Variants in FNDC3B observed in about 807,000 individuals in gnomAD.
FNDC3B encodes fibronectin type III domain-containing protein 3B.
In FNDC3B, 12 loss-of-function variants were observed where a neutral mutation model predicts 151.5. That is an observed-to-expected ratio of 0.08 (90% CI 0.05 to 0.13). The LOEUF (loss-of-function observed/expected upper bound fraction) is 0.13. Among genes scored for constraint, FNDC3B ranks in the 10% least tolerant of loss-of-function variants. The pLI is 1.00. For missense variants in FNDC3B, 1,214 were observed against 1,505.3 expected, an observed-to-expected ratio of 0.81 and a Z score of 3.20; for synonymous variants, 528 against 549.0, an observed-to-expected ratio of 0.96 and a Z score of 0.54.
At chr3:172,138,284 A>G (rs1392352426) in intron 3 of FNDC3B, among the ~76,000 whole-genome samples, 1 of 152,244 alleles carries the variant, frequency 6.6e-6, no homozygotes, top group African/African-American at 2.4e-5. Flanking sequence ...GACAGGAAAC[A>G]GTGTATCTTC....
chr3:172,200,950 A>T (rs1725117324), intron 3 of FNDC3B, among the ~76,000 whole-genome samples: 1 of 152,180 alleles, frequency 6.6e-6, no homozygotes, highest in Non-Finnish European at 1.5e-5. Context: ...AATTTTTAAC[A>T]AAAGAGCTAT....
chr3:172,164,960 C>T (rs889657673), intron 3 of FNDC3B, among the ~76,000 whole-genome samples: 1 of 152,166 alleles, frequency 6.6e-6, no homozygotes, highest in African/African-American at 2.4e-5. Context: ...AACACGTGCT[C>T]ACCTTACTCT....
intron 1 of FNDC3B, among the ~76,000 whole-genome samples, chr3:172,061,442 C>T (rs966325827): frequency 1.2e-4 from 18 of 152,152 alleles, no homozygotes; most frequent in East Asian, 7.7e-4. Context: ...CCGTGTTAGC[C>T]AGGATGGTCT....
chr3:172,362,383 T>TTA (rs1553796371), intron 22 of FNDC3B, among the ~76,000 whole-genome samples: 16 of 152,016 alleles, frequency 1.1e-4, no homozygotes, highest in African/African-American at 1.2e-4. Flanking sequence ...CTATTTTTTT[T>TTA]AAATTAAAGA....
intron 3 of FNDC3B, among the ~76,000 whole-genome samples, chr3:172,196,741 A>T (rs1481563183): frequency 6.6e-6 from 1 of 152,176 alleles, no homozygotes; most frequent in Non-Finnish European, 1.5e-5. Flanking sequence ...TAATGTTAGG[A>T]TGAGCCACAC....
At chr3:172,346,250 A>T in intron 19 of FNDC3B, 77 bp from the exon 20 acceptor site, 1 of 746,570 alleles carries the variant, frequency 1.3e-6, no homozygotes, top group Non-Finnish European at 2.2e-6. Flanking sequence ...TTTGGTTATA[A>T]GCTTTTGTAT....
chr3:172,045,827 A>G (rs1407227795), intron 1 of FNDC3B, among the ~76,000 whole-genome samples: 4 of 151,814 alleles, frequency 2.6e-5, no homozygotes, highest in African/African-American at 9.7e-5. Flanking sequence ...CTTAAAATAT[A>G]TATTATGGTT....
At chr3:172,355,022 G>T (rs1734026440) in intron 22 of FNDC3B, among the ~76,000 whole-genome samples, 1 of 151,754 alleles carries the variant, frequency 6.6e-6, no homozygotes, top group Non-Finnish European at 1.5e-5. Flanking sequence ...TTCTCCATGG[G>T]TGCTATTATA....
chr3:172,083,895 T>A (rs7617070), intron 1 of FNDC3B, among the ~76,000 whole-genome samples: 97,582 of 152,004 alleles, frequency 0.64, 31,471 homozygotes, highest in East Asian at 0.78. Flanking sequence ...AGGCATAGGT[T>A]TAGCTCTGTT....
intron 9 of FNDC3B, chr3:172,303,026 A>C (rs1169166512): frequency 6.6e-6 from 1 of 151,866 alleles, no homozygotes; most frequent in Non-Finnish European, 1.5e-5. Context: ...ATATATATAT[A>C]AATATGTAAT....
intron 22 of FNDC3B, among the ~76,000 whole-genome samples, chr3:172,359,374 G>A (rs1158189635): frequency 6.6e-6 from 1 of 152,086 alleles, no homozygotes; most frequent in Non-Finnish European, 1.5e-5. Context: ...AGAGCAAAGG[G>A]TAGGATCACC....
At chr3:172,372,881 C>T (rs1224909240) in intron 23 of FNDC3B, among the ~76,000 whole-genome samples, 2 of 152,146 alleles carry the variant, frequency 1.3e-5, no homozygotes, top group East Asian at 1.9e-4. Flanking sequence ...AAACAATCTA[C>T]GAGGTAGATG....
chr3:172,386,786 G>C (rs938528352), intron 25 of FNDC3B, among the ~76,000 whole-genome samples: 2 of 149,908 alleles, frequency 1.3e-5, no homozygotes, highest in African/African-American at 4.9e-5. Flanking sequence ...CCTCTGAAGT[G>C]TCTAGAGGTC....
chr3:172,367,656 AAATGTT>A, intron 23 of FNDC3B, among the ~76,000 whole-genome samples: 2 of 152,346 alleles, frequency 1.3e-5, no homozygotes, highest in South Asian at 4.1e-4. Context: ...GTGTTAAATG[AAATGTT>A]ATGCTGCCCT....
At chr3:172,074,237 T>C (rs1717905025) in intron 1 of FNDC3B, among the ~76,000 whole-genome samples, 1 of 152,228 alleles carries the variant, frequency 6.6e-6, no homozygotes, top group Non-Finnish European at 1.5e-5. Flanking sequence ...GGCCCTCTTG[T>C]GTGCAAGTAG....
chr3:172,322,557 G>A (rs1413882359), intron 11 of FNDC3B, among the ~76,000 whole-genome samples: 1 of 152,190 alleles, frequency 6.6e-6, no homozygotes, highest in Non-Finnish European at 1.5e-5. Flanking sequence ...GCCTTCTCTT[G>A]TCTCCTTTTG....
chr3:172,337,209 C>T, intron 15 of FNDC3B, 121 bp from the exon 16 acceptor site: 56 of 581,786 alleles, frequency 9.6e-5, no homozygotes, highest in South Asian at 3.1e-4. Context: ...ATTATTTTGC[C>T]TTTTGGTCAT....
intron 23 of FNDC3B, among the ~76,000 whole-genome samples, chr3:172,375,768 T>C (rs142387529): frequency 6.6e-6 from 1 of 152,254 alleles, no homozygotes; most frequent in African/African-American, 2.4e-5. Context: ...TAGAAAAGGC[T>C]GAAGGAAGAA....
intron 3 of FNDC3B, among the ~76,000 whole-genome samples, chr3:172,198,117 T>C (rs757141012): frequency 6.6e-6 from 1 of 152,238 alleles, no homozygotes; most frequent in Non-Finnish European, 1.5e-5. Context: ...TTTTAACATG[T>C]CCTCTTCATT....
Sources: allele counts gnomAD v4.1 joint callset (sites outside exome capture counted in the v4.1 genomes callset), GRCh38; gene constraint gnomAD v4.1.1; transcripts MANE v1.5; gene names NCBI Gene and HGNC (gene_info 2026-07-23, HGNC 2026-07-21).